Variants in C4orf36 observed in about 807,000 individuals in gnomAD.
The protein encoded by C4orf36 is uncharacterized protein C4orf36.
In C4orf36, 11 loss-of-function variants were observed where a neutral mutation model predicts 12.2. The ratio of observed to expected loss-of-function variants is 0.90; its 90% CI spans 0.57 to 1.49. The LOEUF is 1.49. C4orf36 is among the 40% of genes most tolerant of loss of function. The pLI is 0.00. For synonymous variants in C4orf36, 54 were observed against 51.3 expected, an observed-to-expected ratio of 1.05 and a Z score of -0.22; for missense variants, 137 against 133.9, an observed-to-expected ratio of 1.02 and a Z score of -0.11.
chr4:86,898,605 T>C, the C4orf36 span, among the ~76,000 whole-genome samples: 1 of 152,154 alleles, frequency 6.6e-6, no homozygotes, highest in Non-Finnish European at 1.5e-5. Context: ...ATTAGAAAAC[T>C]GAGATAAGAT....
intron 1 of C4orf36, 112 bp downstream of exon 1, chr4:86,892,071 G>A (rs1157552466): frequency 3.0e-6 from 3 of 985,828 alleles, no homozygotes; most frequent in Non-Finnish European, 3.6e-6. Context: ...ACCCTTCCCC[G>A]GACGGACGCG....
the C4orf36 span, chr4:86,913,908 G>A: frequency 1.4e-5 from 17 of 1,213,430 alleles, no homozygotes; most frequent in Admixed American, 6.0e-5. Context: ...GGCTCACTAC[G>A]AACTCTCCCG....
chr4:86,932,625 T>A, the C4orf36 span, among the ~76,000 whole-genome samples: 2 of 152,184 alleles, frequency 1.3e-5, no homozygotes, highest in African/African-American at 4.8e-5. Context: ...TGAGCTTCTA[T>A]GAGTCCCAGG....
the C4orf36 span, chr4:86,935,259 C>T: frequency 6.6e-6 from 1 of 152,324 alleles, no homozygotes; most frequent in Non-Finnish European, 1.5e-5. Context: ...AGCCCTGCGC[C>T]ACCCAGGGCT....
At chr4:86,899,363 C>A in the C4orf36 span, among the ~76,000 whole-genome samples, 2 of 151,880 alleles carry the variant, frequency 1.3e-5, no homozygotes, top group South Asian at 2.1e-4. Flanking sequence ...CCCACAGAAC[C>A]AAGAGTTGTA....
the C4orf36 span, among the ~76,000 whole-genome samples, chr4:86,917,794 C>T: frequency 6.6e-6 from 1 of 152,192 alleles, no homozygotes; most frequent in Non-Finnish European, 1.5e-5. Flanking sequence ...GCCCCTAGGC[C>T]ATGTGAGATA....
the C4orf36 span, among the ~76,000 whole-genome samples, chr4:86,909,421 C>T: frequency 1.3e-5 from 2 of 152,122 alleles, no homozygotes; most frequent in African/African-American, 2.4e-5. Context: ...AACAGCAAAC[C>T]GGCTGCAGGA....
chr4:86,917,328 G>T, the C4orf36 span, among the ~76,000 whole-genome samples: 1 of 71,436 alleles, frequency 1.4e-5, no homozygotes, highest in African/African-American at 3.6e-5. Context: ...GAGAGAGAGA[G>T]ATGAAGGAAG....
At chr4:86,921,848 C>A in the C4orf36 span, among the ~76,000 whole-genome samples, 1 of 152,138 alleles carries the variant, frequency 6.6e-6, no homozygotes, top group Non-Finnish European at 1.5e-5. Context: ...TTCCTTCCTG[C>A]CCTCCAGGCC....
At chr4:86,930,587 G>A in the C4orf36 span, among the ~76,000 whole-genome samples, 2 of 152,212 alleles carry the variant, frequency 1.3e-5, no homozygotes, top group Non-Finnish European at 2.9e-5. Context: ...TGTTTTGGGG[G>A]ATGAAAAAAT....
chr4:86,926,823 CTT>C, the C4orf36 span, among the ~76,000 whole-genome samples: 2 of 152,150 alleles, frequency 1.3e-5, no homozygotes, highest in East Asian at 3.8e-4. Flanking sequence ...CTCCATATTT[CTT>C]TGATATGTTT....
chr4:86,905,438 A>T, the C4orf36 span, among the ~76,000 whole-genome samples: 1 of 152,126 alleles, frequency 6.6e-6, no homozygotes, highest in African/African-American at 2.4e-5. Context: ...CTGTAGTCCC[A>T]GGTACTTGGG....
At chr4:86,924,632 C>T in the C4orf36 span, 1 of 152,318 alleles carries the variant, frequency 6.6e-6, no homozygotes, top group Non-Finnish European at 1.5e-5. Context: ...CATGGGCCAC[C>T]ACACCCAGCC....
chr4:86,918,348 T>C, the C4orf36 span, among the ~76,000 whole-genome samples: 1 of 152,230 alleles, frequency 6.6e-6, no homozygotes, highest in Non-Finnish European at 1.5e-5. Context: ...GAGACCGTGA[T>C]GTAGTGCCAT....
At chr4:86,917,327 AG>A in the C4orf36 span, among the ~76,000 whole-genome samples, 3 of 93,088 alleles carry the variant, frequency 3.2e-5, no homozygotes, top group African/African-American at 9.2e-5. Flanking sequence ...AGAGAGAGAG[AG>A]ATGAAGGAAG....
intron 2 of C4orf36, 84 bp downstream of exon 2, chr4:86,891,372 A>G: frequency 1.6e-6 from 2 of 1,259,606 alleles, no homozygotes; most frequent in Non-Finnish European, 1.1e-6. Context: ...GGGAGCACAG[A>G]GTGTCCAGTC....
chr4:86,935,352 C>G, the C4orf36 span: 1 of 152,534 alleles, frequency 6.6e-6, no homozygotes, highest in African/African-American at 2.4e-5. Flanking sequence ...TGCCGGCTTC[C>G]CAGCACGCTG....
intron 4 of C4orf36, among the ~76,000 whole-genome samples, chr4:86,878,671 G>C (rs1746978624): frequency 6.6e-6 from 1 of 152,184 alleles, no homozygotes; most frequent in Non-Finnish European, 1.5e-5. Context: ...TGAAAGAGAT[G>C]AATGCACTGT....
chr4:86,914,308 G>A, the C4orf36 span: 1 of 1,597,310 alleles, frequency 6.3e-7, no homozygotes, highest in Non-Finnish European at 8.6e-7. Context: ...TCGCTCTTGG[G>A]AGCCCAGTCA....
Sources: allele counts gnomAD v4.1 joint callset (sites outside exome capture counted in the v4.1 genomes callset), GRCh38; gene constraint gnomAD v4.1.1; transcripts MANE v1.5; gene names NCBI Gene and HGNC (gene_info 2026-07-23, HGNC 2026-07-21).